Variants in HM13 observed in about 807,000 individuals in gnomAD.
HM13 encodes histocompatibility minor 13, also known as signal peptide peptidase.
Under a neutral mutation model 50.0 loss-of-function variants are expected in HM13, and 18 were observed. The ratio of observed to expected loss-of-function variants is 0.36; its 90% CI spans 0.25 to 0.53. HM13 has a LOEUF of 0.53. Among genes scored for constraint, HM13 ranks in the 20% least tolerant of loss-of-function variants. The pLI, the probability that HM13 is intolerant of heterozygous loss-of-function variation, is 0.90. For synonymous variants in HM13, 197 were observed against 232.6 expected, an observed-to-expected ratio of 0.85 and a Z score of 1.39; for missense variants, 393 against 552.4, an observed-to-expected ratio of 0.71 and a Z score of 2.89.
intron 9 of HM13, among the ~76,000 whole-genome samples, chr20:31,560,628 T>A (rs1010979392): frequency 6.6e-6 from 1 of 152,166 alleles, no homozygotes; most frequent in Non-Finnish European, 1.5e-5. Flanking sequence ...TAATACAAAG[T>A]GAAACCCATA....
At chr20:31,554,355 G>C (rs370014440) in intron 7 of HM13, among the ~76,000 whole-genome samples, 36 of 150,334 alleles carry the variant, frequency 2.4e-4, no homozygotes, top group East Asian at 1.4e-3. Flanking sequence ...CATTGCCCTG[G>C]GCAATAGAGC....
chr20:31,550,227 C>T (rs1330308782), intron 7 of HM13, 106 bp downstream of exon 7: 2 of 814,320 alleles, frequency 2.5e-6, no homozygotes, highest in South Asian at 1.4e-5. Flanking sequence ...CCCCATGTAC[C>T]TCTTCCTCCT....
At chr20:31,525,536 A>T (rs1982433541) in intron 1 of HM13, among the ~76,000 whole-genome samples, 1 of 152,184 alleles carries the variant, frequency 6.6e-6, no homozygotes, top group South Asian at 2.1e-4. Flanking sequence ...GAACTTCAGC[A>T]TGAGCAGGAG....
chr20:31,545,521 T>C (rs929227753), intron 4 of HM13, among the ~76,000 whole-genome samples: 21 of 152,138 alleles, frequency 1.4e-4, no homozygotes, highest in African/African-American at 4.6e-4. Context: ...TCACAGCAAT[T>C]TGGGAGGCCA....
intron 8 of HM13, among the ~76,000 whole-genome samples, chr20:31,559,157 C>T (rs940769295): frequency 1.3e-5 from 2 of 152,208 alleles, no homozygotes; most frequent in Non-Finnish European, 2.9e-5. Flanking sequence ...ACCTCGTGAT[C>T]CACCCACCTC....
intron 4 of HM13, 142 bp downstream of exon 4, chr20:31,545,177 A>G (rs1333771498): frequency 1.4e-6 from 1 of 693,850 alleles, no homozygotes; most frequent in Non-Finnish European, 2.6e-6. Flanking sequence ...TCACATTCCA[A>G]CTCTGCTATT....
At chr20:31,566,597 T>A (rs1984929617) in intron 11 of HM13, among the ~76,000 whole-genome samples, 1 of 152,128 alleles carries the variant, frequency 6.6e-6, no homozygotes, top group Non-Finnish European at 1.5e-5. Context: ...CTGTCAGAAG[T>A]CCTAGGTGAC....
intron 4 of HM13, chr20:31,548,018 A>G: frequency 1.9e-6 from 3 of 1,592,302 alleles, no homozygotes; most frequent in Non-Finnish European, 2.6e-6. Context: ...TATTTAAATG[A>G]TGGGCTGTGG....
chr20:31,535,941 C>G (rs1209003339), intron 2 of HM13, among the ~76,000 whole-genome samples: 1 of 152,178 alleles, frequency 6.6e-6, no homozygotes, highest in Non-Finnish European at 1.5e-5. Flanking sequence ...GTGAACTGCC[C>G]AAGCCCCTTA....
At chr20:31,527,107 G>A (rs1236952468) in intron 1 of HM13, among the ~76,000 whole-genome samples, 11 of 152,168 alleles carry the variant, frequency 7.2e-5, no homozygotes, top group Admixed American at 2.0e-4. Context: ...TTGGGAGGCC[G>A]AAGCAGGTGG....
chr20:31,516,366 G>A (rs2122524775), intron 1 of HM13, among the ~76,000 whole-genome samples: 1 of 152,320 alleles, frequency 6.6e-6, no homozygotes, highest in East Asian at 1.9e-4. Context: ...TTCCACCACT[G>A]TCAGGGGTAA....
At chr20:31,565,216 GGC>G (rs1287123941) in intron 10 of HM13, among the ~76,000 whole-genome samples, 2 of 150,226 alleles carry the variant, frequency 1.3e-5, no homozygotes, top group African/African-American at 4.9e-5. Context: ...TGGTGCCTCA[GGC>G]CTATAATCCC....
At chr20:31,516,229 G>C (rs1981765029) in intron 1 of HM13, among the ~76,000 whole-genome samples, 1 of 152,224 alleles carries the variant, frequency 6.6e-6, no homozygotes, top group African/African-American at 2.4e-5. Context: ...GCGAAGGACA[G>C]CTGGCATAAG....
chr20:31,557,204 A>C (rs911792285), intron 8 of HM13, among the ~76,000 whole-genome samples: 2 of 152,168 alleles, frequency 1.3e-5, no homozygotes, highest in Non-Finnish European at 2.9e-5. Context: ...GCTGTGAGGC[A>C]GGGAGACTTG....
In HM13 at chr20:31,518,726, C is replaced by G. The variant is rs1981959729; in HGVS notation, c.183+3992C>G. On this transcript the variant is annotated intron_variant, in intron 1 of 12. Transcript: ENST00000398174. Reference sequence around the variant, plus strand: ...ACCTAAAGTTAACCAGACATGATGGCATGCACCTGTAGTCCTAGCTACTCT... The same window carrying G: ...ACCTAAAGTTAACCAGACATGATGGGATGCACCTGTAGTCCTAGCTACTCT... 2.6e-5 allele frequency among the ~76,000 whole-genome samples: 4 copies of G among 152,134 alleles called. No homozygotes were observed. The South Asian group carries it at 8.3e-4, about 32-fold the overall frequency.
intron 9 of HM13, among the ~76,000 whole-genome samples, chr20:31,561,123 T>C (rs1419531461): frequency 6.6e-6 from 1 of 152,234 alleles, no homozygotes; most frequent in Non-Finnish European, 1.5e-5. Context: ...AACTATTACG[T>C]CCACTGCACT....
intron 4 of HM13, among the ~76,000 whole-genome samples, chr20:31,545,431 A>G (rs1345876713): frequency 6.6e-6 from 1 of 152,090 alleles, no homozygotes; most frequent in Non-Finnish European, 1.5e-5. Flanking sequence ...TCACTGCCTC[A>G]CCTAAGGTTT....
Position 31,561,640 on chromosome 20 carries a change from G to A in HM13, c.852G>A (p.Lys284=), listed in dbSNP as rs745602374. 40 of 1,610,876 alleles carry A rather than the reference G, an allele frequency of 2.5e-5. No individual in the cohort carries two copies. Among genetic ancestry groups the A allele is most frequent in the Non-Finnish European group, 3.1e-5 (37 of 1,177,226 alleles). Residue 284 remains lysine (K), a synonymous_variant, in exon 10 of 13, where the codon AAG becomes AAA. Transcript: ENST00000398174. ...ALLLRFDISL[K]KNTHTYFYTS... ...CTTCACACCTTCCCTGCAGCTTGAAGAAGAATACCCACACCTACTTCTACA... is the reference window on the plus strand; with the variant it reads ...CTTCACACCTTCCCTGCAGCTTGAAAAAGAATACCCACACCTACTTCTACA...
chr20:31,553,094 G>A (rs376478256), intron 7 of HM13, among the ~76,000 whole-genome samples: 43 of 152,002 alleles, frequency 2.8e-4, no homozygotes, highest in African/African-American at 9.9e-4. Context: ...TCAGGAATTC[G>A]AGACCAGCCT....
Sources: allele counts gnomAD v4.1 joint callset (sites outside exome capture counted in the v4.1 genomes callset), GRCh38; gene constraint gnomAD v4.1.1; transcripts MANE v1.5; gene names NCBI Gene and HGNC (gene_info 2026-07-23, HGNC 2026-07-21).